Variants in TRIQK observed in about 807,000 individuals in gnomAD.
The protein encoded by TRIQK is triple QxxK/R motif containing.
In TRIQK, 10 loss-of-function variants were observed where a neutral mutation model predicts 10.8. The ratio of observed to expected loss-of-function variants is 0.92; its 90% CI spans 0.57 to 1.57. The LOEUF is 1.57. TRIQK is among the 40% of genes most tolerant of loss of function. The probability of loss-of-function intolerance (pLI) is 0.00; values close to 1 mark genes in which losing one functional copy is unlikely to be tolerated. For synonymous variants in TRIQK, 33 were observed against 33.7 expected (o/e 0.98, Z 0.07); for missense variants, 107 against 97.7 (o/e 1.09, Z -0.40).
At chr8:92,934,893 T>C (rs1361812977) in intron 2 of TRIQK, among the ~76,000 whole-genome samples, 1 of 151,878 alleles carries the variant, frequency 6.6e-6, no homozygotes, top group African/African-American at 2.4e-5. Flanking sequence ...TATTAGCTAA[T>C]ATAACTCTAC....
chr8:92,997,748 G>T (rs905782315), intron 1 of TRIQK, among the ~76,000 whole-genome samples: 9 of 152,024 alleles, frequency 5.9e-5, no homozygotes, highest in East Asian at 1.9e-4. Context: ...GTGAATGAAT[G>T]AATTAATGAA....
At chr8:92,886,777 G>T in intron 4 of TRIQK, 42 bp from the exon 5 acceptor site, 1 of 1,133,316 alleles carries the variant, frequency 8.8e-7, no homozygotes, top group Non-Finnish European at 1.3e-6. Flanking sequence ...GATGAAAAAA[G>T]ATTGGTTAAC....
In TRIQK at chr8:93,009,502, G is replaced by A. The variant is rs148567916; in HGVS notation, c.-181+8107C>T. ...CAGATGCCTGTAATCCCAGCTACTC[G>A]GGAGGCTGAGGCAGGAGAATCGCCT... On this transcript the variant is annotated intron_variant, in intron 1 of 4. Coordinates refer to the TRIQK transcript ENST00000520686. Among the ~76,000 whole-genome samples the A allele has an allele frequency of 1.6e-3, 244 of 152,146 alleles. 1 individual carries two copies. The East Asian group carries it at 0.016, about 10-fold the overall frequency.
chr8:93,016,685 T>C (rs1813387021), intron 1 of TRIQK, among the ~76,000 whole-genome samples: 1 of 152,182 alleles, frequency 6.6e-6, no homozygotes, highest in Non-Finnish European at 1.5e-5. Flanking sequence ...GATAGAAATG[T>C]CTGAGCTAAG....
At chr8:92,901,614 T>G (rs1473850346) in intron 3 of TRIQK, among the ~76,000 whole-genome samples, 1 of 152,178 alleles carries the variant, frequency 6.6e-6, no homozygotes, top group Non-Finnish European at 1.5e-5. Flanking sequence ...TCATGATGAA[T>G]AATATTTTAA....
At chr8:92,999,686 A>C (rs1201168220) in intron 1 of TRIQK, among the ~76,000 whole-genome samples, 1 of 152,186 alleles carries the variant, frequency 6.6e-6, no homozygotes, top group Non-Finnish European at 1.5e-5. Context: ...CTGAGTGTTA[A>C]AGTAATATAA....
At chr8:92,981,297 A>G (rs1244139372) in intron 1 of TRIQK, among the ~76,000 whole-genome samples, 1 of 151,520 alleles carries the variant, frequency 6.6e-6, no homozygotes, top group East Asian at 1.9e-4. Flanking sequence ...TTTGTTTCTC[A>G]TTTCTTTTGA....
At chr8:92,981,517 A>G (rs962820775) in intron 1 of TRIQK, among the ~76,000 whole-genome samples, 3 of 151,674 alleles carry the variant, frequency 2.0e-5, no homozygotes, top group East Asian at 1.9e-4. Context: ...TATATTTTTT[A>G]GTTTCACCTT....
intron 3 of TRIQK, among the ~76,000 whole-genome samples, chr8:92,895,357 G>C (rs1270795047): frequency 6.6e-6 from 1 of 151,996 alleles, no homozygotes; most frequent in Non-Finnish European, 1.5e-5. Context: ...AAGAAGTAGG[G>C]GTGCTGCTAT....
At chr8:92,975,424 A>G (rs1327535456) in intron 1 of TRIQK, among the ~76,000 whole-genome samples, 3 of 152,200 alleles carry the variant, frequency 2.0e-5, no homozygotes, top group Non-Finnish European at 4.4e-5. Flanking sequence ...AGTAGTTTGT[A>G]TACTGCAAAG....
rs1268004136 is a variant in TRIQK, at chr8:92,885,211, G to T, written c.*1411C>A. On this transcript the variant is annotated 3_prime_UTR_variant, in exon 5 of 5. Transcript: ENST00000521988. ...TATGCTACTTGAAAAAAATTCTACA[G>T]AACATAATGCTACACAGTCACAGTC... 1 of 353,202 alleles carries T rather than the reference G, an allele frequency of 2.8e-6. No individual in the cohort carries two copies. The highest frequency in any genetic ancestry group is 5.6e-6 in the Non-Finnish European group (1 of 179,284). The allele number at this position is 353,202 out of a possible 1,614,324, so 21.9% of individuals were successfully genotyped here. A position where few individuals can be genotyped will look rare whatever the true frequency, so the allele number is the denominator to read the frequency against.
intron 1 of TRIQK, among the ~76,000 whole-genome samples, chr8:92,978,790 T>C (rs1812957004): frequency 6.6e-6 from 1 of 152,076 alleles, no homozygotes; most frequent in Admixed American, 6.6e-5. Context: ...AACTCAATGT[T>C]TGAGAGATTC....
chr8:93,017,110 G>GGAGAGAGAGAGA (rs3062508), intron 1 of TRIQK, among the ~76,000 whole-genome samples: 1 of 93,338 alleles, frequency 1.1e-5, no homozygotes, highest in Non-Finnish European at 2.2e-5. Flanking sequence ...ATATATACTT[G>GGAGAGAGAGAGA]GAGAGAGAGA....
At chr8:92,958,888 T>A (rs1586499890) in intron 1 of TRIQK, among the ~76,000 whole-genome samples, 1 of 152,098 alleles carries the variant, frequency 6.6e-6, no homozygotes, top group African/African-American at 2.4e-5. Context: ...AAGTGCCTCA[T>A]GTGCACCTCT....
chr8:92,915,775 T>C (rs1038560292), intron 3 of TRIQK, among the ~76,000 whole-genome samples: 2 of 81,332 alleles, frequency 2.5e-5, no homozygotes, highest in Non-Finnish European at 5.2e-5. Flanking sequence ...CTGGGATTAC[T>C]GGCGTTAAGT....
intron 2 of TRIQK, among the ~76,000 whole-genome samples, chr8:92,935,068 T>A (rs1397197744): frequency 6.6e-6 from 1 of 151,744 alleles, no homozygotes; most frequent in Non-Finnish European, 1.5e-5. Context: ...CTTTTTATCT[T>A]CCATCTCCTA....
chr8:92,894,891 T>C (rs181456517), intron 3 of TRIQK, among the ~76,000 whole-genome samples: 86 of 152,274 alleles, frequency 5.6e-4, no homozygotes, highest in African/African-American at 2.0e-3. Context: ...CTGTATTCAA[T>C]AGTATATGGT....
intron 3 of TRIQK, among the ~76,000 whole-genome samples, chr8:92,894,072 A>AC (rs544679458): frequency 1.3e-5 from 2 of 152,136 alleles, no homozygotes; most frequent in Non-Finnish European, 2.9e-5. Flanking sequence ...TCATATTCTT[A>AC]GAGAATAATA....
At chr8:92,921,384 T>C (rs1810175623) in intron 2 of TRIQK, 1 of 151,834 alleles carries the variant, frequency 6.6e-6, no homozygotes, top group African/African-American at 2.4e-5. Context: ...CTCCTTTTTT[T>C]TTCCTCTGGG....
Sources: allele counts gnomAD v4.1 joint callset (sites outside exome capture counted in the v4.1 genomes callset), GRCh38; gene constraint gnomAD v4.1.1; transcripts MANE v1.5; gene names NCBI Gene and HGNC (gene_info 2026-07-23, HGNC 2026-07-21).